The following DLGAP1 variants were observed in gnomAD, a reference collection of about 807,000 sequenced individuals.
DLGAP1 encodes DLG associated protein 1, also known as disks large-associated protein 1.
In DLGAP1, 11 loss-of-function variants were observed where a neutral mutation model predicts 90.8. The ratio of observed to expected loss-of-function variants is 0.12; its 90% CI spans 0.08 to 0.20. The LOEUF is 0.20. DLGAP1 is among the 10% of genes least tolerant of loss of function. The pLI is 1.00. For synonymous variants in DLGAP1, 558 were observed against 540.7 expected, an observed-to-expected ratio of 1.03 and a Z score of -0.44; for missense variants, 1,050 against 1,333.8, an observed-to-expected ratio of 0.79 and a Z score of 3.31.
intron 7 of DLGAP1, among the ~76,000 whole-genome samples, chr18:3,688,098 A>G (rs1006351358): frequency 2.0e-5 from 3 of 151,990 alleles, no homozygotes; most frequent in Non-Finnish European, 4.4e-5. Flanking sequence ...TTTAGTAGAG[A>G]CGCGGTTTCA....
intron 7 of DLGAP1, among the ~76,000 whole-genome samples, chr18:3,600,895 T>TAGATATATATAG (rs1568279092): frequency 1.0e-5 from 1 of 100,400 alleles, no homozygotes; most frequent in African/African-American, 4.4e-5. Context: ...GATATATAGA[T>TAGATATATATAG]ATATATAGAT....
intron 2 of DLGAP1, among the ~76,000 whole-genome samples, chr18:4,055,405 T>C (rs7234099): frequency 6.6e-6 from 1 of 152,188 alleles, no homozygotes; most frequent in African/African-American, 2.4e-5. Flanking sequence ...CAGAACCTGA[T>C]AGGTAGTTTT....
chr18:3,794,359 G>A (rs2065882537), intron 5 of DLGAP1, among the ~76,000 whole-genome samples: 1 of 152,184 alleles, frequency 6.6e-6, no homozygotes, highest in African/African-American at 2.4e-5. Context: ...GCATTATTGT[G>A]ATACATGTTC....
intron 5 of DLGAP1, among the ~76,000 whole-genome samples, chr18:3,799,390 G>A (rs772703938): frequency 2.6e-5 from 4 of 152,046 alleles, no homozygotes; most frequent in African/African-American, 4.8e-5. Context: ...TCCCTTCTGC[G>A]GGGGTTTCTT....
At chr18:3,782,613 T>C (rs78105744) in intron 5 of DLGAP1, among the ~76,000 whole-genome samples, 2,013 of 152,308 alleles carry the variant, frequency 0.013, 27 homozygotes, top group East Asian at 0.049. Flanking sequence ...TGGCAATGAC[T>C]CACCAAAGTC....
intron 1 of DLGAP1, among the ~76,000 whole-genome samples, chr18:4,217,809 GTCTT>G (rs2077989468): frequency 1.3e-5 from 2 of 152,146 alleles, no homozygotes; most frequent in South Asian, 2.1e-4. Context: ...TCTGTGGCTT[GTCTT>G]TCTATTATCT....
chr18:4,355,151 TATG>T (rs1300357623), intron 1 of DLGAP1, among the ~76,000 whole-genome samples: 2 of 152,192 alleles, frequency 1.3e-5, no homozygotes, highest in Non-Finnish European at 2.9e-5. Flanking sequence ...AATGAAAATT[TATG>T]TGCACCCAAG....
chr18:4,281,761 G>A (rs2079558086), intron 1 of DLGAP1, among the ~76,000 whole-genome samples: 1 of 152,042 alleles, frequency 6.6e-6, no homozygotes, highest in Non-Finnish European at 1.5e-5. Flanking sequence ...TCCTTCAGGG[G>A]TTGTATAAAC....
intron 7 of DLGAP1, among the ~76,000 whole-genome samples, chr18:3,704,833 G>A (rs1231843861): frequency 6.6e-6 from 1 of 152,140 alleles, no homozygotes; most frequent in Admixed American, 6.6e-5. Flanking sequence ...CATAGAGACT[G>A]GCAGGAATGC....
At chr18:4,160,507 T>C (rs2076826820) in intron 1 of DLGAP1, among the ~76,000 whole-genome samples, 1 of 152,204 alleles carries the variant, frequency 6.6e-6, no homozygotes, top group Non-Finnish European at 1.5e-5. Context: ...GCATCGATTA[T>C]TTCATTTAAA....
chr18:4,155,594 C>A (rs894191366), intron 1 of DLGAP1, among the ~76,000 whole-genome samples: 14 of 152,128 alleles, frequency 9.2e-5, no homozygotes, highest in African/African-American at 3.1e-4. Context: ...TCATTAAGAG[C>A]AAACTACACT....
intron 1 of DLGAP1, among the ~76,000 whole-genome samples, chr18:4,389,717 C>T (rs906387709): frequency 1.3e-5 from 2 of 152,186 alleles, no homozygotes; most frequent in Non-Finnish European, 2.9e-5. Context: ...AACTAGTTCA[C>T]ACTACCCATT....
intron 1 of DLGAP1, among the ~76,000 whole-genome samples, chr18:4,335,934 G>T (rs758474822): frequency 6.6e-6 from 1 of 152,164 alleles, no homozygotes; most frequent in Non-Finnish European, 1.5e-5. Flanking sequence ...TGAATTATTT[G>T]TGACATTTTT....
chr18:3,555,415 A>G (rs1023013770), intron 9 of DLGAP1, among the ~76,000 whole-genome samples: 2 of 150,052 alleles, frequency 1.3e-5, no homozygotes, highest in African/African-American at 5.0e-5. Context: ...TAATTCAAAT[A>G]AAGTTCAACT....
intron 1 of DLGAP1, among the ~76,000 whole-genome samples, chr18:4,233,938 T>C (rs2145073214): frequency 6.6e-6 from 1 of 152,246 alleles, no homozygotes; most frequent in East Asian, 1.9e-4. Flanking sequence ...TGTCATGCTA[T>C]ACTACATCAT....
intron 5 of DLGAP1, among the ~76,000 whole-genome samples, chr18:3,770,672 C>T (rs1454301383): frequency 6.6e-6 from 1 of 151,872 alleles, no homozygotes; most frequent in Non-Finnish European, 1.5e-5. Context: ...ATTAACTTCA[C>T]AGATTCTGAA....
intron 1 of DLGAP1, among the ~76,000 whole-genome samples, chr18:4,189,385 C>T (rs1177040598): frequency 6.6e-6 from 1 of 152,036 alleles, no homozygotes; most frequent in Non-Finnish European, 1.5e-5. Flanking sequence ...AAAACTATAT[C>T]ATATTTGGGT....
intron 9 of DLGAP1, among the ~76,000 whole-genome samples, chr18:3,548,310 AAC>A (rs1216129965): frequency 6.6e-6 from 1 of 152,200 alleles, no homozygotes; most frequent in Non-Finnish European, 1.5e-5. Context: ...TCATCATATT[AAC>A]AGTCTAAAAA....
chr18:3,955,067 C>G (rs1322001016), intron 3 of DLGAP1, among the ~76,000 whole-genome samples: 1 of 152,112 alleles, frequency 6.6e-6, no homozygotes, highest in Admixed American at 6.5e-5. Context: ...TTACTCCAGG[C>G]TGCGGGGGGG....
Sources: gnomAD v4.1 joint callset for allele counts (sites outside exome capture counted in the v4.1 genomes callset) on GRCh38, gnomAD v4.1.1 for gene constraint, MANE v1.5 for transcripts, NCBI Gene and HGNC (gene_info 2026-07-23, HGNC 2026-07-21) for gene names.